SAE1: variants seen among roughly 807,000 people sequenced by gnomAD.
SAE1 encodes SUMO1 activating enzyme subunit 1.
In SAE1, 11 loss-of-function variants were observed where a neutral mutation model predicts 40.6. That is an observed-to-expected ratio of 0.27 (90% CI 0.17 to 0.45). The LOEUF is 0.45. SAE1 is among the 20% of genes least tolerant of loss of function. SAE1 has a pLI of 1.00. For missense variants in SAE1, 373 were observed against 427.3 expected (o/e 0.87, Z 1.12); for synonymous variants, 155 against 154.3 (o/e 1.00, Z -0.03).
At chr19:47,141,401 C>G (rs1237382253) in intron 1 of SAE1, among the ~76,000 whole-genome samples, 2 of 152,106 alleles carry the variant, frequency 1.3e-5, no homozygotes, top group East Asian at 3.8e-4. Context: ...CTCAGCCTCC[C>G]AAAGTGCTGG....
chr19:47,200,113 T>A (rs954349201), intron 7 of SAE1, among the ~76,000 whole-genome samples: 3 of 151,954 alleles, frequency 2.0e-5, no homozygotes, highest in African/African-American at 7.3e-5. Context: ...TTTGTATTTT[T>A]TAGTAGAGAT....
At chr19:47,197,844 G>A (rs1317992946) in intron 7 of SAE1, among the ~76,000 whole-genome samples, 5 of 152,196 alleles carry the variant, frequency 3.3e-5, no homozygotes, top group African/African-American at 4.8e-5. Flanking sequence ...TGTGTCGTAC[G>A]TGTGCAGGTA....
In SAE1 at chr19:47,169,811, T is replaced by TC. The variant is rs373794198; in HGVS notation, c.628-5dup. The stretch of plus-strand genomic sequence containing the variant: ...TATTCCTAAGCAGTTCTGCCTTTTT[T>TC]CCACAGAAGGTGGTCTTCTGCCCTG... On this transcript the variant is annotated splice_region_variant and splice_polypyrimidine_tract_variant and intron_variant, in intron 5 of 8. Coordinates refer to ENST00000270225, the MANE Select transcript of SAE1 (RefSeq NM_005500.3). 5.1e-5 allele frequency: 82 copies of TC among 1,605,376 alleles called. No homozygotes were observed. In the African/African-American group the frequency reaches 9.6e-4, roughly 19 times the overall value.
At chr19:47,148,771 C>T (rs943918345) in intron 2 of SAE1, among the ~76,000 whole-genome samples, 1 of 151,742 alleles carries the variant, frequency 6.6e-6, no homozygotes, top group Non-Finnish European at 1.5e-5. Flanking sequence ...TGTGCCACCA[C>T]GTCCGGCTAA....
At chr19:47,140,480 G>C (rs1187086937) in intron 1 of SAE1, among the ~76,000 whole-genome samples, 3 of 151,916 alleles carry the variant, frequency 2.0e-5, no homozygotes, top group Non-Finnish European at 4.4e-5. Flanking sequence ...TCGAACTCCT[G>C]ACTTCAGGTG....
chr19:47,164,049 G>A (rs900006672), intron 5 of SAE1, among the ~76,000 whole-genome samples: 7 of 152,266 alleles, frequency 4.6e-5, no homozygotes, highest in African/African-American at 1.4e-4. Context: ...GATTACAGGC[G>A]TGAGCCATTG....
intron 6 of SAE1, among the ~76,000 whole-genome samples, chr19:47,183,338 G>A (rs2058523082): frequency 6.6e-6 from 1 of 151,990 alleles, no homozygotes; most frequent in Admixed American, 6.6e-5. Flanking sequence ...CATTTGTCCA[G>A]GGTCATCACA....
intron 5 of SAE1, 145 bp from the exon 6 acceptor site, chr19:47,169,673 A>G: frequency 1.5e-6 from 1 of 664,722 alleles, no homozygotes; most frequent in Non-Finnish European, 2.7e-6. Flanking sequence ...TTCAATAAGC[A>G]TTTCTTGGAT....
intron 1 of SAE1, among the ~76,000 whole-genome samples, chr19:47,142,903 CTATT>C (rs767963080): frequency 5.9e-5 from 9 of 152,114 alleles, no homozygotes; most frequent in African/African-American, 1.2e-4. Context: ...TATTATGTAT[CTATT>C]TGTTTATCTG....
chr19:47,150,176 T>G lies in SAE1; in HGVS notation c.211-26T>G, dbSNP rs754224748. On this transcript the variant is annotated intron_variant, in intron 2 of 8. Coordinates refer to ENST00000270225, the MANE Select transcript of SAE1 (RefSeq NM_005500.3). The stretch of plus-strand genomic sequence containing the variant: ...TTATTTTCCCTAAAAATACAAGACT[T>G]AAAAAAATATGTGTATTATTCCTAG... The G allele has an allele frequency of 6.4e-5, 94 of 1,469,224 alleles. 1 individual carries two copies. In the Middle Eastern group the frequency reaches 1.5e-3, roughly 23 times the overall value. 91.0% of individuals were successfully genotyped at this position (1,469,224 alleles called of 1,614,324 possible).
At chr19:47,148,053 C>A (rs145137251) in intron 2 of SAE1, among the ~76,000 whole-genome samples, 1 of 152,086 alleles carries the variant, frequency 6.6e-6, no homozygotes, top group Non-Finnish European at 1.5e-5. Context: ...AGCCACCACG[C>A]GTGGCCCTCA....
chr19:47,135,650 G>A (rs973896522), intron 1 of SAE1: 6 of 151,950 alleles, frequency 3.9e-5, no homozygotes, highest in Admixed American at 2.6e-4. Context: ...ACTATAGCAC[G>A]TGTCACAAGC....
chr19:47,183,417 G>T (rs899620695), intron 6 of SAE1, among the ~76,000 whole-genome samples: 2 of 152,098 alleles, frequency 1.3e-5, no homozygotes, highest in Admixed American at 6.6e-5. Flanking sequence ...TTGTGTTTAA[G>T]CATCGCCCAA....
intron 5 of SAE1, among the ~76,000 whole-genome samples, chr19:47,166,570 C>G (rs184524827): frequency 2.6e-5 from 4 of 152,278 alleles, no homozygotes; most frequent in African/African-American, 7.2e-5. Flanking sequence ...ACCCCCAACT[C>G]CGTTTCATCA....
intron 6 of SAE1, among the ~76,000 whole-genome samples, chr19:47,189,939 A>G (rs1006006745): frequency 1.3e-5 from 2 of 152,220 alleles, no homozygotes; most frequent in African/African-American, 4.8e-5. Flanking sequence ...ATGAACTGAG[A>G]TTAAATTTGA....
At chr19:47,206,970 G>C (rs1441921371) in intron 8 of SAE1, among the ~76,000 whole-genome samples, 1 of 152,182 alleles carries the variant, frequency 6.6e-6, no homozygotes, top group Non-Finnish European at 1.5e-5. Flanking sequence ...TTAATGTCTA[G>C]CTGAATACCT....
At chr19:47,194,643 C>G (rs1327699672) in intron 6 of SAE1, among the ~76,000 whole-genome samples, 10 of 152,020 alleles carry the variant, frequency 6.6e-5, no homozygotes, top group Non-Finnish European at 1.5e-4. Context: ...TGTGCCCTTT[C>G]CTTGGGCAGT....
At chr19:47,207,802 T>A (rs2058693697) in intron 8 of SAE1, among the ~76,000 whole-genome samples, 1 of 151,948 alleles carries the variant, frequency 6.6e-6, no homozygotes, top group African/African-American at 2.4e-5. Flanking sequence ...ATCCAACTAA[T>A]TTTTTTTATT....
At chr19:47,197,452 G>T in intron 7 of SAE1, 75 bp downstream of exon 7, 1 of 1,382,964 alleles carries the variant, frequency 7.2e-7, no homozygotes, top group Non-Finnish European at 9.9e-7. Context: ...AATTTGACAA[G>T]CTCTTTTATT....
Sources: gnomAD v4.1 joint callset for allele counts (sites outside exome capture counted in the v4.1 genomes callset) on GRCh38, gnomAD v4.1.1 for gene constraint, MANE v1.5 for transcripts, NCBI Gene and HGNC (gene_info 2026-07-23, HGNC 2026-07-21) for gene names.